PCTP: variants seen among roughly 807,000 people sequenced by gnomAD.
PCTP encodes START domain-containing protein 2.
In PCTP, 27 loss-of-function variants were observed where a neutral mutation model predicts 31.0. The ratio of observed to expected loss-of-function variants is 0.87; its 90% CI spans 0.64 to 1.20. The LOEUF (loss-of-function observed/expected upper bound fraction) is 1.20, where lower values mean the gene tolerates loss of function less well. Ranked by LOEUF, PCTP falls within the 50% of genes most tolerant of loss-of-function variation. The probability of loss-of-function intolerance (pLI) is 0.00; values close to 1 mark genes in which losing one functional copy is unlikely to be tolerated. For missense variants in PCTP, 287 were observed against 268.2 expected (o/e 1.07, Z -0.49); for synonymous variants, 108 against 101.2 (o/e 1.07, Z -0.40).
intron 5 of PCTP, among the ~76,000 whole-genome samples, chr17:55,840,188 G>A (rs1013410224): frequency 2.3e-4 from 35 of 152,022 alleles, no homozygotes; most frequent in Admixed American, 2.2e-3. Context: ...GGGTGGGGGT[G>A]GAAATACATG....
At chr17:55,754,842 C>G (rs187429935) in intron 1 of PCTP, among the ~76,000 whole-genome samples, 1 of 151,912 alleles carries the variant, frequency 6.6e-6, no homozygotes, top group Non-Finnish European at 1.5e-5. Context: ...CCTGTGTGCG[C>G]GCGTGTGTGT....
At chr17:55,789,582 G>T (rs183725334) in intron 3 of PCTP, among the ~76,000 whole-genome samples, 1 of 152,264 alleles carries the variant, frequency 6.6e-6, no homozygotes, top group East Asian at 1.9e-4. Flanking sequence ...TTGAGAACAA[G>T]TTCAATGCTC....
chr17:55,805,501 C>T (rs1265911842), intron 3 of PCTP, among the ~76,000 whole-genome samples: 2 of 152,026 alleles, frequency 1.3e-5, no homozygotes, highest in Admixed American at 1.3e-4. Flanking sequence ...TAATGTCTTC[C>T]AGCACCATCC....
At chr17:55,840,881 A>G (rs1214106118) in intron 5 of PCTP, among the ~76,000 whole-genome samples, 1 of 152,214 alleles carries the variant, frequency 6.6e-6, no homozygotes, top group Non-Finnish European at 1.5e-5. Context: ...TGGATTTGGG[A>G]TGCTCAAGCA....
chr17:55,810,948 T>C (rs144650580), intron 3 of PCTP, among the ~76,000 whole-genome samples: 4 of 152,328 alleles, frequency 2.6e-5, no homozygotes, highest in Admixed American at 1.3e-4. Context: ...TTTTCTTTTA[T>C]TGCAGAGTTA....
intron 1 of PCTP, 197 bp downstream of exon 1, chr17:55,751,441 C>G: frequency 6.5e-7 from 1 of 1,533,860 alleles, no homozygotes; most frequent in Non-Finnish European, 8.7e-7. Flanking sequence ...CCGTGCAGAT[C>G]CAGGGGAGTT....
intron 4 of PCTP, 30 bp from the exon 5 acceptor site, chr17:55,774,762 T>C: frequency 6.4e-7 from 1 of 1,568,348 alleles, no homozygotes; most frequent in Non-Finnish European, 8.8e-7. Context: ...TTTTTCCTTT[T>C]TCTGAATTGT....
At chr17:55,830,703 CAG>C (rs1003074637) in intron 5 of PCTP, among the ~76,000 whole-genome samples, 4 of 152,100 alleles carry the variant, frequency 2.6e-5, no homozygotes, top group African/African-American at 9.7e-5. Flanking sequence ...ATAATTAAAA[CAG>C]TGCAAAACAA....
chr17:55,803,778 A>C (rs896881316), intron 3 of PCTP, among the ~76,000 whole-genome samples: 5 of 152,176 alleles, frequency 3.3e-5, no homozygotes, highest in African/African-American at 1.2e-4. Context: ...CCTAGGCAAT[A>C]TCATTCAGGA....
At chr17:55,835,563 G>T (rs1292184669) in intron 5 of PCTP, among the ~76,000 whole-genome samples, 1 of 152,198 alleles carries the variant, frequency 6.6e-6, no homozygotes, top group Non-Finnish European at 1.5e-5. Flanking sequence ...GCAAGGGATA[G>T]AAACTTAAAT....
At chr17:55,844,338 C>T (rs902949644), downstream of PCTP, among the ~76,000 whole-genome samples, 2 of 152,166 alleles carry the variant, frequency 1.3e-5, no homozygotes, top group African/African-American at 4.8e-5. Flanking sequence ...TTTGCCCAGG[C>T]TCTGGGTCCC....
intron 3 of PCTP, among the ~76,000 whole-genome samples, chr17:55,818,361 TG>T (rs1912999144): frequency 6.6e-6 from 1 of 152,232 alleles, no homozygotes; most frequent in South Asian, 2.1e-4. Flanking sequence ...ACATGGCAAC[TG>T]GTGCCCTGAG....
At chr17:55,775,979 G>C in intron 5 of PCTP, 56 bp from the exon 6 acceptor site, 1 of 1,601,496 alleles carries the variant, frequency 6.2e-7, no homozygotes, top group South Asian at 1.1e-5. Flanking sequence ...ACATCCCAAA[G>C]AATCAAGAGT....
At chr17:55,790,129 A>G (rs1911904642) in intron 3 of PCTP, among the ~76,000 whole-genome samples, 1 of 152,192 alleles carries the variant, frequency 6.6e-6, no homozygotes, top group Non-Finnish European at 1.5e-5. Context: ...ACTCTCAATA[A>G]ATTAGGTATT....
At chr17:55,838,259 C>T (rs1905843364) in intron 5 of PCTP, among the ~76,000 whole-genome samples, 1 of 152,174 alleles carries the variant, frequency 6.6e-6, no homozygotes. Context: ...CCTGCAAGCC[C>T]TATTCAGTGC....
intron 5 of PCTP, among the ~76,000 whole-genome samples, chr17:55,775,159 G>A (rs2144972375): frequency 6.6e-6 from 1 of 152,252 alleles, no homozygotes; most frequent in South Asian, 2.1e-4. Flanking sequence ...CTCTTAGTAG[G>A]AACAATAGTG....
chr17:55,804,827 G>T (rs778850502), intron 3 of PCTP, among the ~76,000 whole-genome samples: 22 of 151,920 alleles, frequency 1.4e-4, no homozygotes, highest in Admixed American at 6.6e-4. Flanking sequence ...CATACCACAC[G>T]TTCTGCCCAT....
At chr17:55,824,525 A>G (rs1163504496), downstream of PCTP, among the ~76,000 whole-genome samples, 4 of 152,236 alleles carry the variant, frequency 2.6e-5, no homozygotes, top group Non-Finnish European at 5.9e-5. Context: ...AATGCAAAGT[A>G]TCTAACATCA....
chr17:55,789,329 A>G (rs1597998560), intron 3 of PCTP, among the ~76,000 whole-genome samples: 1 of 152,214 alleles, frequency 6.6e-6, no homozygotes, highest in African/African-American at 2.4e-5. Flanking sequence ...TTTAGCAAAT[A>G]TGGTATCAGA....
Sources: allele counts gnomAD v4.1 joint callset (sites outside exome capture counted in the v4.1 genomes callset), GRCh38; gene constraint gnomAD v4.1.1; transcripts MANE v1.5; gene names NCBI Gene and HGNC (gene_info 2026-07-23, HGNC 2026-07-21).